B3GALT1: variants seen among roughly 807,000 people sequenced by gnomAD.
B3GALT1 encodes the protein UDP-Gal:betaGlcNAc beta 1,3-galactosyltransferase, polypeptide 1.
B3GALT1 carries 10 observed loss-of-function variants against 23.2 expected under a neutral mutation model. The observed-to-expected ratio is 0.43, with a 90% CI of 0.27 to 0.73. The LOEUF (loss-of-function observed/expected upper bound fraction) is 0.73. Among genes scored for constraint, B3GALT1 ranks in the 30% least tolerant of loss-of-function variants. The pLI, the probability that B3GALT1 is intolerant of heterozygous loss-of-function variation, is 0.21. For missense variants in B3GALT1, 299 were observed against 405.4 expected, an observed-to-expected ratio of 0.74 and a Z score of 2.25; for synonymous variants, 156 against 141.5, an observed-to-expected ratio of 1.10 and a Z score of -0.73.
At chr2:167,803,261 A>G (rs1688676252) in intron 3 of B3GALT1, among the ~76,000 whole-genome samples, 1 of 152,202 alleles carries the variant, frequency 6.6e-6, no homozygotes, top group South Asian at 2.1e-4. Context: ...TCATCATTTA[A>G]TTTTTAGATA....
intron 3 of B3GALT1, among the ~76,000 whole-genome samples, chr2:167,688,907 G>A (rs577812707): frequency 2.6e-5 from 4 of 152,002 alleles, no homozygotes; most frequent in African/African-American, 4.8e-5. Context: ...GGAGCCTTGT[G>A]TATTTACTAT....
intron 1 of B3GALT1, among the ~76,000 whole-genome samples, chr2:167,299,686 A>G (rs1696414619): frequency 6.6e-6 from 1 of 152,062 alleles, no homozygotes; most frequent in African/African-American, 2.4e-5. Flanking sequence ...CCTTTATGCA[A>G]AGAAATAAAA....
intron 1 of B3GALT1, among the ~76,000 whole-genome samples, chr2:167,352,331 A>C (rs1697325672): frequency 6.9e-6 from 1 of 145,706 alleles, no homozygotes. Context: ...TAATCAATTT[A>C]TTAAGAGATA....
chr2:167,481,195 T>G lies in B3GALT1; in HGVS notation c.-510-8982T>G, dbSNP rs181700279. ...ATCAACCTTACCCTGAGGCATAAAG[T>G]CCTTTTTGCTGCTTATATATGGTAA... On this transcript the variant is annotated intron_variant, in intron 1 of 4. Transcript: ENST00000392690. 7.4e-5 allele frequency among the ~76,000 whole-genome samples: 11 copies of G among 149,656 alleles called. No homozygotes were observed. The East Asian group carries it at 2.3e-3, about 31-fold the overall frequency.
At chr2:167,441,804 A>C (rs2105313425) in intron 1 of B3GALT1, among the ~76,000 whole-genome samples, 1 of 151,536 alleles carries the variant, frequency 6.6e-6, no homozygotes, top group East Asian at 1.9e-4. Flanking sequence ...GAGATGGGAG[A>C]ATCATTTGGG....
intron 2 of B3GALT1, among the ~76,000 whole-genome samples, chr2:167,625,177 T>C (rs73015416): frequency 0.016 from 2,359 of 152,020 alleles, 82 homozygotes; most frequent in African/African-American, 0.054. Context: ...CCCTTCCCTC[T>C]TTTTCTTTCA....
chr2:167,301,059 T>A (rs1232142686), intron 1 of B3GALT1, among the ~76,000 whole-genome samples: 6 of 152,168 alleles, frequency 3.9e-5, no homozygotes, highest in Admixed American at 3.9e-4. Flanking sequence ...GCGCATTGAA[T>A]ATAAGTTGGG....
At chr2:167,778,018 G>C (rs550743710) in intron 3 of B3GALT1, among the ~76,000 whole-genome samples, 2 of 152,090 alleles carry the variant, frequency 1.3e-5, no homozygotes, top group South Asian at 4.2e-4. Flanking sequence ...GAATTATCTA[G>C]CCCAAGTTGT....
At chr2:167,864,836 G>T (rs1160138603) in intron 4 of B3GALT1, among the ~76,000 whole-genome samples, 5 of 152,046 alleles carry the variant, frequency 3.3e-5, no homozygotes, top group African/African-American at 1.2e-4. Flanking sequence ...AATATAAACA[G>T]AATAGAATGG....
In B3GALT1 at chr2:167,293,578, G is replaced by A. The variant is rs545188737; in HGVS notation, c.-511+244G>A. Among the ~76,000 whole-genome samples the A allele has an allele frequency of 7.9e-5, 12 of 152,266 alleles. 1 individual carries two copies. In the East Asian group the frequency reaches 2.3e-3, roughly 30 times the overall value. On this transcript the variant is annotated intron_variant, in intron 1 of 4. Transcript: ENST00000392690. ...TGTGTGAGTGTGGATGTGGATGCGTGTGTGCGCGCGCGCGGCTTGGGGCAC... is the reference window on the plus strand; with the variant it reads ...TGTGTGAGTGTGGATGTGGATGCGTATGTGCGCGCGCGCGGCTTGGGGCAC...
chr2:167,327,537 G>A (rs1010279906), intron 1 of B3GALT1, among the ~76,000 whole-genome samples: 2 of 152,012 alleles, frequency 1.3e-5, no homozygotes, highest in African/African-American at 4.8e-5. Flanking sequence ...CATTATAGGT[G>A]TATAGATATG....
intron 2 of B3GALT1, among the ~76,000 whole-genome samples, chr2:167,587,343 G>C (rs1558916223): frequency 6.6e-6 from 1 of 152,054 alleles, no homozygotes; most frequent in Non-Finnish European, 1.5e-5. Context: ...CAGCACCTTT[G>C]TAAACACGGC....
chr2:167,540,632 T>C lies in B3GALT1; in HGVS notation c.-410+50355T>C, dbSNP rs78570548. ...TCCAGTTGATGTTAAACAACTTGTC[T>C]CTTTTTCATTGTTGTTTTTGGTTGT... On this transcript the variant is annotated intron_variant, in intron 2 of 4. Transcript: ENST00000392690. 8.8e-3 allele frequency among the ~76,000 whole-genome samples: 1,338 copies of C among 152,332 alleles called. 24 individuals are homozygous for C. Among genetic ancestry groups the C allele is most frequent in the East Asian group, 0.067 (345 of 5,180 alleles).
chr2:167,524,678 A>G (rs1394785972), intron 2 of B3GALT1, among the ~76,000 whole-genome samples: 2 of 152,208 alleles, frequency 1.3e-5, no homozygotes, highest in Non-Finnish European at 2.9e-5. Flanking sequence ...TAACTCATCT[A>G]TGCTCCTCGA....
chr2:167,797,680 T>C (rs1688566605), intron 3 of B3GALT1, among the ~76,000 whole-genome samples: 1 of 151,358 alleles, frequency 6.6e-6, no homozygotes. Context: ...CTGACTGGTA[T>C]GAGATGTATC....
chr2:167,374,437 A>G (rs1266209137), intron 1 of B3GALT1, among the ~76,000 whole-genome samples: 1 of 152,214 alleles, frequency 6.6e-6, no homozygotes, highest in African/African-American at 2.4e-5. Flanking sequence ...ATAAATCTTC[A>G]AACTGCTTTC....
chr2:167,480,635 T>G (rs1483825793), intron 1 of B3GALT1, among the ~76,000 whole-genome samples: 1 of 152,124 alleles, frequency 6.6e-6, no homozygotes, highest in East Asian at 1.9e-4. Context: ...CCACCACAGG[T>G]GGGGCGGGGA....
intron 2 of B3GALT1, among the ~76,000 whole-genome samples, chr2:167,598,569 TTATAGGCTCAAA>T (rs1403826250): frequency 2.0e-5 from 3 of 152,302 alleles, no homozygotes; most frequent in East Asian, 1.9e-4. Flanking sequence ...AATATTTCTA[TTATAGGCTCAAA>T]TATAGGCTCA....
intron 4 of B3GALT1, among the ~76,000 whole-genome samples, chr2:167,824,288 A>T (rs1314620934): frequency 6.6e-6 from 1 of 152,244 alleles, no homozygotes; most frequent in Non-Finnish European, 1.5e-5. Context: ...GAATGATAGG[A>T]TCAGACTTAG....
Sources: allele counts gnomAD v4.1 joint callset (sites outside exome capture counted in the v4.1 genomes callset), GRCh38; gene constraint gnomAD v4.1.1; transcripts MANE v1.5; gene names NCBI Gene and HGNC (gene_info 2026-07-23, HGNC 2026-07-21).